Variants in ZNF385D observed in about 807,000 individuals in gnomAD.
ZNF385D encodes zinc finger protein 659.
Under a neutral mutation model 35.8 loss-of-function variants are expected in ZNF385D, and 15 were observed. The observed-to-expected ratio is 0.42, with a 90% confidence interval of 0.28 to 0.64. The LOEUF is 0.64. ZNF385D is among the 30% of genes least tolerant of loss of function. The pLI, the probability that ZNF385D is intolerant of heterozygous loss-of-function variation, is 0.23. For synonymous variants in ZNF385D, 212 were observed against 186.8 expected (o/e 1.13, Z -1.10); for missense variants, 474 against 494.6 (o/e 0.96, Z 0.39).
chr3:21,549,811 G>C (rs2062505348), intron 3 of ZNF385D, among the ~76,000 whole-genome samples: 1 of 152,206 alleles, frequency 6.6e-6, no homozygotes, highest in African/African-American at 2.4e-5. Context: ...TTATGAAAGA[G>C]ATGTTTCAAA....
At chr3:21,806,221 T>G (rs1177197140) in intron 3 of ZNF385D, among the ~76,000 whole-genome samples, 3 of 151,624 alleles carry the variant, frequency 2.0e-5, no homozygotes, top group Non-Finnish European at 4.4e-5. Flanking sequence ...TTTTTTTTTT[T>G]GTGAGGGGGC....
chr3:22,230,167 T>G (rs1698801131), intron 2 of ZNF385D, among the ~76,000 whole-genome samples: 3 of 152,132 alleles, frequency 2.0e-5, no homozygotes, highest in Non-Finnish European at 2.9e-5. Flanking sequence ...CAAATTTGGC[T>G]TAAAGAAAAA....
rs138683734 is a variant in ZNF385D at position 21,851,005 on chromosome 3, C to A, written c.326-185977G>T. ...TGTAAAGAAGCCAGAAAATATAACT[C>A]ATAACTAGGCAATAAAAACAAATCT... On this transcript the variant is annotated intron_variant, in intron 3 of 5. Transcript: ENST00000494108. Among the ~76,000 whole-genome samples, 1,339 of 151,902 alleles carry A rather than the reference C, an allele frequency of 8.8e-3. 24 individuals carry two copies. Among genetic ancestry groups the A allele is most frequent in the African/African-American group, 0.029 (1,216 of 41,460 alleles).
intron 3 of ZNF385D, among the ~76,000 whole-genome samples, chr3:22,162,355 C>G (rs1706015993): frequency 6.6e-6 from 1 of 152,110 alleles, no homozygotes; most frequent in Admixed American, 6.6e-5. Flanking sequence ...TATAGAAAAT[C>G]TACATTAGTA....
intron 3 of ZNF385D, among the ~76,000 whole-genome samples, chr3:21,763,985 A>G (rs963629619): frequency 6.6e-6 from 1 of 152,212 alleles, no homozygotes; most frequent in East Asian, 1.9e-4. Context: ...ACAGTTTCCC[A>G]AAGAATGAGA....
intron 3 of ZNF385D, among the ~76,000 whole-genome samples, chr3:21,523,154 C>T (rs915153067): frequency 6.6e-6 from 1 of 152,168 alleles, no homozygotes; most frequent in Admixed American, 6.5e-5. Context: ...TGAATGAATA[C>T]ATGATATGAA....
At position 22,000,159 on chromosome 3, in the gene ZNF385D, G is replaced by A. The variant is rs530360236; in HGVS notation, c.325+168658C>T. Among the ~76,000 whole-genome samples the A allele has an allele frequency of 3.4e-4, 52 of 152,200 alleles. No homozygotes were observed. In the South Asian group the frequency reaches 0.01, roughly 30 times the overall value. On this transcript the variant is annotated intron_variant, in intron 3 of 5. Coordinates refer to the ZNF385D transcript ENST00000494108. ...TCTCTACTCAAAATACAAAAAATTA[G>A]CCTGGCGTGGTGGTGGCTGCCTGTA...
chr3:21,941,423 G>T (rs1211620809), intron 3 of ZNF385D, among the ~76,000 whole-genome samples: 1 of 149,972 alleles, frequency 6.7e-6, no homozygotes, highest in Admixed American at 6.6e-5. Flanking sequence ...AGCAAACAAT[G>T]ATCTACCAAG....
chr3:21,648,740 A>C (rs767532054), intron 2 of ZNF385D, among the ~76,000 whole-genome samples: 33 of 152,192 alleles, frequency 2.2e-4, no homozygotes, highest in Non-Finnish European at 4.6e-4. Context: ...CTAAGAAAAA[A>C]GAAAAGAGCA....
intron 3 of ZNF385D, among the ~76,000 whole-genome samples, chr3:21,844,366 TGATTA>T (rs951752469): frequency 3.3e-5 from 5 of 151,944 alleles, no homozygotes; most frequent in Non-Finnish European, 7.4e-5. Context: ...GCTTACCAGC[TGATTA>T]GACATTATAG....
intron 2 of ZNF385D, among the ~76,000 whole-genome samples, chr3:22,297,680 A>T (rs1702665546): frequency 6.6e-6 from 1 of 152,106 alleles, no homozygotes; most frequent in Non-Finnish European, 1.5e-5. Context: ...TCTTTGAAAC[A>T]GCATAATAAA....
upstream of ZNF385D, among the ~76,000 whole-genome samples, chr3:21,754,624 C>T (rs1235192811): frequency 6.7e-6 from 1 of 149,280 alleles, no homozygotes; most frequent in African/African-American, 2.5e-5. Context: ...TTTTTTTTTT[C>T]CAGTTTTAAA....
At chr3:21,783,159 T>C (rs1469676673) in intron 3 of ZNF385D, among the ~76,000 whole-genome samples, 1 of 152,182 alleles carries the variant, frequency 6.6e-6, no homozygotes, top group Non-Finnish European at 1.5e-5. Context: ...TTATGAACTT[T>C]CACGTCTTGG....
intron 3 of ZNF385D, among the ~76,000 whole-genome samples, chr3:22,124,305 G>A (rs376009376): frequency 1.2e-4 from 19 of 152,048 alleles, no homozygotes; most frequent in South Asian, 4.2e-4. Flanking sequence ...TATAAGTACC[G>A]CATTTTCATT....
intron 3 of ZNF385D, among the ~76,000 whole-genome samples, chr3:21,814,752 C>A (rs527912616): frequency 1.1e-4 from 17 of 152,186 alleles, no homozygotes; most frequent in Non-Finnish European, 2.1e-4. Flanking sequence ...TAACACCCCA[C>A]TGTCAACATT....
At chr3:22,204,360 T>C (rs1301156593) in intron 2 of ZNF385D, among the ~76,000 whole-genome samples, 1 of 152,008 alleles carries the variant, frequency 6.6e-6, no homozygotes, top group Admixed American at 6.6e-5. Context: ...CAAGTTCCTC[T>C]GAATACCTGG....
intron 2 of ZNF385D, among the ~76,000 whole-genome samples, chr3:22,329,956 G>C (rs1227719700): frequency 6.6e-6 from 1 of 152,116 alleles, no homozygotes; most frequent in African/African-American, 2.4e-5. Flanking sequence ...ATTCACTCAT[G>C]ATTAGTAGCT....
At chr3:22,309,726 C>T (rs1703432842) in intron 2 of ZNF385D, among the ~76,000 whole-genome samples, 2 of 151,974 alleles carry the variant, frequency 1.3e-5, no homozygotes, top group Admixed American at 1.3e-4. Flanking sequence ...TCTCAAGGGT[C>T]ACCACTCTTT....
chr3:21,911,643 T>A (rs757090612), intron 3 of ZNF385D, among the ~76,000 whole-genome samples: 1 of 151,874 alleles, frequency 6.6e-6, no homozygotes, highest in African/African-American at 2.4e-5. Flanking sequence ...TGAGAAATAG[T>A]AGCTATATTG....
Sources: allele counts gnomAD v4.1 joint callset (sites outside exome capture counted in the v4.1 genomes callset), GRCh38; gene constraint gnomAD v4.1.1; transcripts MANE v1.5; gene names NCBI Gene and HGNC (gene_info 2026-07-23, HGNC 2026-07-21).